Variants in ATP8A2 observed in about 807,000 individuals in gnomAD.
The protein encoded by ATP8A2 is ATPase phospholipid transporting 8A2.
In ATP8A2, 100 loss-of-function variants were observed where a neutral mutation model predicts 165.6. The ratio of observed to expected loss-of-function variants is 0.60; its 90% CI spans 0.51 to 0.71. The LOEUF is 0.71. ATP8A2 is among the 30% of genes least tolerant of loss of function. The pLI, the probability that ATP8A2 is intolerant of heterozygous loss-of-function variation, is 0.00. For missense variants in ATP8A2, 1,227 were observed against 1,479.5 expected (o/e 0.83, Z 2.80); for synonymous variants, 543 against 548.8 (o/e 0.99, Z 0.15).
intron 24 of ATP8A2, among the ~76,000 whole-genome samples, chr13:25,618,364 C>G (rs1033327760): frequency 2.0e-5 from 3 of 152,038 alleles, no homozygotes; most frequent in Non-Finnish European, 4.4e-5. Flanking sequence ...GACATTGATA[C>G]AGCTGGTTGT....
At chr13:25,482,688 T>C (rs137944723) in intron 2 of ATP8A2, among the ~76,000 whole-genome samples, 1 of 152,358 alleles carries the variant, frequency 6.6e-6, no homozygotes, top group Non-Finnish European at 1.5e-5. Context: ...TGGGAAATGA[T>C]TGAATCATGG....
intron 33 of ATP8A2, among the ~76,000 whole-genome samples, chr13:25,946,273 G>T (rs920713476): frequency 6.6e-6 from 1 of 152,032 alleles, no homozygotes; most frequent in Admixed American, 6.6e-5. Flanking sequence ...ATGTCCCCAC[G>T]GGGACATCTC....
chr13:25,628,831 T>C (rs893991752), intron 24 of ATP8A2, among the ~76,000 whole-genome samples: 1 of 152,192 alleles, frequency 6.6e-6, no homozygotes, highest in Non-Finnish European at 1.5e-5. Flanking sequence ...AGACTCTGTC[T>C]TCAGGTAAGG....
chr13:25,490,878 A>T (rs905286995), intron 2 of ATP8A2, among the ~76,000 whole-genome samples: 20 of 151,920 alleles, frequency 1.3e-4, no homozygotes, highest in Admixed American at 2.6e-4. Context: ...AGTAGCTGGG[A>T]ATATAGGCAC....
At position 25,678,446 on chromosome 13, in the gene ATP8A2, A is replaced by G. The variant is rs184441780; in HGVS notation, c.2212-20727A>G. Among the ~76,000 whole-genome samples the G allele has an allele frequency of 2.5e-3, 374 of 152,268 alleles. 2 individuals carry two copies. The highest frequency in any genetic ancestry group is 4.4e-3 in the Non-Finnish European group (298 of 68,012). On this transcript the variant is annotated intron_variant, in intron 24 of 36. Transcript: ENST00000381655. ...AGCTGCTGAGTTGATTGAATTACCT[A>G]GACCCCAGATGCCAAGGTAAATGCC...
At chr13:25,962,242 A>G (rs533722169) in intron 34 of ATP8A2, among the ~76,000 whole-genome samples, 1 of 152,250 alleles carries the variant, frequency 6.6e-6, no homozygotes, top group East Asian at 1.9e-4. Flanking sequence ...TTCACTTCCC[A>G]TGCTTAGAGG....
At chr13:25,960,098 G>T (rs899593335) in intron 33 of ATP8A2, among the ~76,000 whole-genome samples, 10 of 152,246 alleles carry the variant, frequency 6.6e-5, no homozygotes, top group African/African-American at 2.4e-4. Flanking sequence ...GGGCCCAGAG[G>T]CAGGAGGGCT....
intron 2 of ATP8A2, among the ~76,000 whole-genome samples, chr13:25,528,174 C>T (rs908691628): frequency 6.6e-6 from 1 of 152,132 alleles, no homozygotes; most frequent in African/African-American, 2.4e-5. Context: ...ACAGTGACAT[C>T]CTGTTATGCC....
intron 1 of ATP8A2, among the ~76,000 whole-genome samples, chr13:25,426,561 A>G (rs1274476320): frequency 1.3e-5 from 2 of 152,182 alleles, no homozygotes; most frequent in Non-Finnish European, 2.9e-5. Context: ...TGATACCATT[A>G]TGGTGGCTAC....
chr13:25,862,483 C>A, intron 33 of ATP8A2, 75 bp downstream of exon 33: 1 of 1,120,990 alleles, frequency 8.9e-7, no homozygotes. Flanking sequence ...GGTGAGCAGG[C>A]ACTGTGTGTC....
intron 16 of ATP8A2, among the ~76,000 whole-genome samples, chr13:25,565,963 C>A (rs1230996371): frequency 6.6e-6 from 1 of 151,316 alleles, no homozygotes; most frequent in African/African-American, 2.4e-5. Context: ...ATTTTTTTTT[C>A]TGAAAAAATT....
At chr13:25,591,026 AT>A (rs1312804623) in intron 24 of ATP8A2, among the ~76,000 whole-genome samples, 6 of 151,944 alleles carry the variant, frequency 3.9e-5, no homozygotes, top group African/African-American at 1.5e-4. Flanking sequence ...CTGGAGTCTA[AT>A]TCTCACATGC....
At chr13:25,429,371 T>TAAAAA (rs751056483) in intron 1 of ATP8A2, among the ~76,000 whole-genome samples, 2 of 126,006 alleles carry the variant, frequency 1.6e-5, no homozygotes, top group Admixed American at 7.7e-5. Flanking sequence ...GACTCCATCT[T>TAAAAA]AAAAAAAAAA....
chr13:25,993,826 T>C (rs1035183381), intron 35 of ATP8A2, among the ~76,000 whole-genome samples: 6 of 152,362 alleles, frequency 3.9e-5, no homozygotes, highest in African/African-American at 1.4e-4. Context: ...ATTGTTCTTT[T>C]ACCTTTCCGT....
intron 35 of ATP8A2, among the ~76,000 whole-genome samples, chr13:26,005,408 T>C (rs113390792): frequency 0.033 from 5,026 of 152,112 alleles, 111 homozygotes; most frequent in Non-Finnish European, 0.052. Context: ...TTCACTGATA[T>C]TTTTCCATTG....
chr13:25,814,616 C>G (rs1377644600), intron 27 of ATP8A2, among the ~76,000 whole-genome samples: 1 of 39,794 alleles, frequency 2.5e-5, no homozygotes, highest in South Asian at 1.0e-3. Flanking sequence ...CGAGAGCATT[C>G]AATTAAAAAA....
In ATP8A2 at chr13:26,011,309, C is replaced by A. The variant is rs564749463; in HGVS notation, c.3378-1222C>A. On this transcript the variant is annotated intron_variant, in intron 35 of 36. Transcript: ENST00000381655. Reference sequence around the variant, plus strand: ...TCCTTGGCTTACAGGTGGCTGTGTGCTCTGTGGTCTTCCCTCCGTGTATGC... The same window carrying A: ...TCCTTGGCTTACAGGTGGCTGTGTGATCTGTGGTCTTCCCTCCGTGTATGC... 1.2e-4 allele frequency among the ~76,000 whole-genome samples: 18 copies of A among 152,296 alleles called. No individual in the cohort carries two copies. The South Asian group carries it at 3.7e-3, about 32-fold the overall frequency.
At chr13:25,690,312 C>T (rs2042697243) in intron 24 of ATP8A2, among the ~76,000 whole-genome samples, 1 of 151,956 alleles carries the variant, frequency 6.6e-6, no homozygotes, top group Non-Finnish European at 1.5e-5. Flanking sequence ...TCTTATGCAT[C>T]TCACTTCCTA....
chr13:25,480,351 T>C lies in ATP8A2; in HGVS notation c.221+11230T>C, dbSNP rs867932694. ...GCTGCCGGGCGGAGACGCTCCTCAC[T>C]TCCCAGACTGGGTGGCTGCCGGGCG... On this transcript the variant is annotated intron_variant, in intron 2 of 36. Transcript: ENST00000381655. 2.2e-3 allele frequency among the ~76,000 whole-genome samples: 337 copies of C among 150,326 alleles called. 2 individuals carry two copies. Among genetic ancestry groups the C allele is most frequent in the African/African-American group, 7.7e-3 (314 of 40,866 alleles).
Sources: allele counts gnomAD v4.1 joint callset (sites outside exome capture counted in the v4.1 genomes callset), GRCh38; gene constraint gnomAD v4.1.1; transcripts MANE v1.5; gene names NCBI Gene and HGNC (gene_info 2026-07-23, HGNC 2026-07-21).